AUTS2: variants seen among roughly 807,000 people sequenced by gnomAD.
AUTS2 encodes autism susceptibility gene 2 protein.
A neutral mutation model predicts 112.4 loss-of-function variants in AUTS2; 17 were observed. That is an observed-to-expected ratio of 0.15 (90% CI 0.10 to 0.23). The LOEUF is 0.23. AUTS2 is among the 10% of genes least tolerant of loss of function. The probability of loss-of-function intolerance (pLI) is 1.00; values close to 1 mark genes in which losing one functional copy is unlikely to be tolerated. For synonymous variants in AUTS2, 751 were observed against 702.7 expected, an observed-to-expected ratio of 1.07 and a Z score of -1.09; for missense variants, 1,510 against 1,701.6, an observed-to-expected ratio of 0.89 and a Z score of 1.98.
chr7:69,823,779 AC>A lies in AUTS2; in HGVS notation c.310-75506del, dbSNP rs150753999. ...TCATGATTGCTAGGTGGAAAAAAAA[AC>A]AAAAAACCAGCAAGAGGAACTCAGT... On this transcript the variant is annotated intron_variant, in intron 1 of 18. Transcript: ENST00000342771. 9.8e-3 allele frequency among the ~76,000 whole-genome samples: 1,486 copies of A among 152,224 alleles called. 36 individuals are homozygous for A. Among genetic ancestry groups the A allele is most frequent in the African/African-American group, 0.034 (1,400 of 41,482 alleles).
intron 1 of AUTS2, among the ~76,000 whole-genome samples, chr7:69,659,125 A>G (rs1795672799): frequency 6.6e-6 from 1 of 152,234 alleles, no homozygotes; most frequent in African/African-American, 2.4e-5. Context: ...CACAAATGTA[A>G]ACAGGGGAGT....
chr7:70,367,803 A>G (rs541147965), intron 4 of AUTS2, among the ~76,000 whole-genome samples: 107 of 152,220 alleles, frequency 7.0e-4, no homozygotes, highest in Non-Finnish European at 1.3e-3. Flanking sequence ...AATCTTCTGA[A>G]GACCACTGGC....
chr7:69,745,249 C>T (rs942420302), intron 1 of AUTS2, among the ~76,000 whole-genome samples: 5 of 152,188 alleles, frequency 3.3e-5, no homozygotes, highest in African/African-American at 1.2e-4. Context: ...TAAATCACTG[C>T]TGGTGATATA....
intron 4 of AUTS2, among the ~76,000 whole-genome samples, chr7:70,181,575 C>T (rs1809305695): frequency 6.6e-6 from 1 of 151,438 alleles, no homozygotes; most frequent in Admixed American, 6.6e-5. Context: ...GTAACCTCTG[C>T]TTCCTGGGTT....
intron 2 of AUTS2, among the ~76,000 whole-genome samples, chr7:69,914,751 A>G (rs535501590): frequency 2.8e-3 from 429 of 151,978 alleles, no homozygotes; most frequent in Non-Finnish European, 4.8e-3. Context: ...ACTCTTTTAT[A>G]TGCAAATATT....
In AUTS2 at chr7:70,765,979, G is replaced by A. The variant is rs1025795066; in HGVS notation, c.1469-135G>A. On this transcript the variant is annotated intron_variant, in intron 8 of 18. Coordinates refer to ENST00000342771, the MANE Select transcript of AUTS2 (RefSeq NM_015570.4). Reference sequence around the variant, plus strand: ...CTCGTCTGCTTCATTGATTGCCCCCGTTTATCTCAGGGCCCAGCCACACCC... The same window carrying A: ...CTCGTCTGCTTCATTGATTGCCCCCATTTATCTCAGGGCCCAGCCACACCC... 7.4e-5 allele frequency: 106 copies of A among 1,435,440 alleles called. 5 individuals are homozygous for A. The South Asian group carries it at 9.5e-4, about 13-fold the overall frequency. 88.9% of individuals were successfully genotyped at this position (1,435,440 alleles called of 1,614,324 possible).
intron 4 of AUTS2, among the ~76,000 whole-genome samples, chr7:70,280,057 T>G (rs1584966859): frequency 6.6e-6 from 1 of 152,288 alleles, no homozygotes; most frequent in Non-Finnish European, 1.5e-5. Context: ...TAATAATTCC[T>G]GCCTCACAAG....
At chr7:69,785,292 A>G (rs1021393985) in intron 1 of AUTS2, among the ~76,000 whole-genome samples, 2 of 152,238 alleles carry the variant, frequency 1.3e-5, no homozygotes, top group Non-Finnish European at 2.9e-5. Context: ...ATTCAGACTC[A>G]CATAGCTAGA....
chr7:70,137,618 C>A (rs971393824), intron 4 of AUTS2, among the ~76,000 whole-genome samples: 15 of 152,038 alleles, frequency 9.9e-5, no homozygotes. Context: ...TTTAAGACTA[C>A]CTGTATGACC....
At chr7:69,875,648 C>T (rs193004662) in intron 1 of AUTS2, among the ~76,000 whole-genome samples, 2 of 152,106 alleles carry the variant, frequency 1.3e-5, no homozygotes, top group East Asian at 1.9e-4. Context: ...AAAATGTTGG[C>T]GACTATAGAT....
At chr7:70,726,404 G>A (rs926003169) in intron 6 of AUTS2, among the ~76,000 whole-genome samples, 1 of 151,720 alleles carries the variant, frequency 6.6e-6, no homozygotes, top group African/African-American at 2.4e-5. Context: ...ATGAATTGCT[G>A]TATGGAAATA....
chr7:70,731,350 A>C (rs1001135640), intron 6 of AUTS2, among the ~76,000 whole-genome samples: 3 of 149,512 alleles, frequency 2.0e-5, no homozygotes, highest in Non-Finnish European at 4.4e-5. Context: ...ATTTGGGAAT[A>C]ATTTTAAACT....
At position 70,792,478 on chromosome 7, in the gene AUTS2, CT is replaced by C. The variant is rs528268378; in HGVS notation, c.*1483del. The C allele has an allele frequency of 4.9e-4, 68 of 139,906 alleles. No individual in the cohort carries two copies. In the East Asian group the frequency reaches 0.012, roughly 24 times the overall value. 8.7% of individuals were successfully genotyped at this position (139,906 alleles called of 1,614,324 possible). On this transcript the variant is annotated 3_prime_UTR_variant, in exon 19 of 19. Coordinates refer to ENST00000342771, the MANE Select transcript of AUTS2 (RefSeq NM_015570.4). ...TAAAGTGCTATCTGACGTTGTTATC[CT>C]GTTTTTGCAAAAAAAAAAAAAAAAA...
At position 70,787,219 on chromosome 7, in the gene AUTS2, A is replaced by G. The variant is rs1791560234; in HGVS notation, c.2319A>G (p.Ser773=). The G allele has an allele frequency of 6.2e-7, 1 of 1,614,178 alleles. No homozygotes were observed. The highest frequency in any genetic ancestry group is 8.5e-7 in the Non-Finnish European group (1 of 1,180,014). The change falls in exon 18 of 19, where the codon TCA becomes TCG. Residue 773 remains serine, a synonymous_variant. Transcript: ENST00000342771. ...GLGNPSVTPN[S]MFGHKDGPSV... ...ACTTCACCATTTCAGCACCCAACTC[A>G]ATGTTCGGCCACAAGGATGGCCCCA...
intron 2 of AUTS2, among the ~76,000 whole-genome samples, chr7:70,105,308 T>C (rs1326146685): frequency 6.6e-6 from 1 of 152,192 alleles, no homozygotes; most frequent in Non-Finnish European, 1.5e-5. Context: ...TCACCCAGGC[T>C]GGAGTGCAGT....
At chr7:70,598,498 T>A (rs1010449831) in intron 5 of AUTS2, among the ~76,000 whole-genome samples, 1 of 152,224 alleles carries the variant, frequency 6.6e-6, no homozygotes, top group South Asian at 2.1e-4. Flanking sequence ...TTCCTAAGAG[T>A]TGATTAAAGA....
chr7:70,570,518 A>T (rs1801893307), intron 5 of AUTS2, among the ~76,000 whole-genome samples: 1 of 152,146 alleles, frequency 6.6e-6, no homozygotes, highest in Admixed American at 6.5e-5. Context: ...AAAGGGGTCC[A>T]CCTATAAGAT....
Position 70,579,980 on chromosome 7 carries a change from C to T in AUTS2, c.691-118589C>T, listed in dbSNP as rs560026632. ...AAGCAGGCTGCTGTGAAGTTGATTA[C>T]GTTTGCAGGACAGCCTCTAAGATGT... On this transcript the variant is annotated intron_variant, in intron 5 of 18. Coordinates refer to ENST00000342771, the MANE Select transcript of AUTS2 (RefSeq NM_015570.4). Among the ~76,000 whole-genome samples the T allele has an allele frequency of 1.1e-3, 174 of 152,246 alleles. 1 individual carries two copies. Among genetic ancestry groups the T allele is most frequent in the Non-Finnish European group, 2.1e-3 (144 of 68,016 alleles).
intron 4 of AUTS2, among the ~76,000 whole-genome samples, chr7:70,358,407 C>G (rs997440167): frequency 6.6e-6 from 1 of 152,226 alleles, no homozygotes; most frequent in Non-Finnish European, 1.5e-5. Flanking sequence ...TTTCCAGCAC[C>G]ATGAGGAGCT....
Sources: allele counts gnomAD v4.1 joint callset (sites outside exome capture counted in the v4.1 genomes callset), GRCh38; gene constraint gnomAD v4.1.1; transcripts MANE v1.5; gene names NCBI Gene and HGNC (gene_info 2026-07-23, HGNC 2026-07-21).